SPDYA: variants seen among roughly 807,000 people sequenced by gnomAD.
SPDYA encodes the protein speedy protein A.
Under a neutral mutation model 36.7 loss-of-function variants are expected in SPDYA, and 11 were observed. The ratio of observed to expected loss-of-function variants is 0.30; its 90% CI spans 0.19 to 0.50. The LOEUF (loss-of-function observed/expected upper bound fraction) is 0.50, where lower values mean the gene tolerates loss of function less well. Among genes scored for constraint, SPDYA ranks in the 20% least tolerant of loss-of-function variants. SPDYA has a pLI of 0.98. For missense variants in SPDYA, 287 were observed against 370.9 expected, an observed-to-expected ratio of 0.77 and a Z score of 1.86; for synonymous variants, 115 against 118.7, an observed-to-expected ratio of 0.97 and a Z score of 0.20.
intron 5 of SPDYA, among the ~76,000 whole-genome samples, chr2:28,828,828 G>A (rs1558326322): frequency 6.6e-6 from 1 of 152,178 alleles, no homozygotes; most frequent in Non-Finnish European, 1.5e-5. Flanking sequence ...CCTCAGTAGT[G>A]AGGAATAACT....
chr2:28,833,945 G>A (rs750822333), intron 6 of SPDYA, among the ~76,000 whole-genome samples: 2 of 152,014 alleles, frequency 1.3e-5, no homozygotes, highest in Non-Finnish European at 2.9e-5. Context: ...TTTTTTGCAA[G>A]TCATCTATTT....
Position 28,840,390 on chromosome 2 carries a change from A to C in SPDYA, c.771A>C (p.Glu257Asp), listed in dbSNP as rs1486544710. 1.9e-6 allele frequency: 3 copies of C among 1,613,144 alleles called. No individual in the cohort carries two copies. Among genetic ancestry groups the C allele is most frequent in the Non-Finnish European group, 2.5e-6 (3 of 1,179,676 alleles). ...CCAGTCATACAGCAGGGGTGACAGA[A>C]AAACATTCTCAGGACTCATACAACT... The part of the protein sequence containing the change: ...SLSSHTAGVT[E>D]KHSQDSYNSL... Residue 257 changes from glutamate (E) to aspartate (D), a missense_variant, in exon 7 of 8, where the codon GAA (glutamate) becomes GAC (aspartate). Physicochemically the swap from Glu to Asp is conservative, Grantham distance 45. Transcript: ENST00000334056.
chr2:28,823,900 C>G (rs1194116242), intron 5 of SPDYA, among the ~76,000 whole-genome samples: 2 of 148,584 alleles, frequency 1.3e-5, no homozygotes, highest in Non-Finnish European at 3.0e-5. Flanking sequence ...CTCCCACCAC[C>G]ACGCCCAACT....
At chr2:28,819,846 A>AT (rs1668101217) in intron 4 of SPDYA, among the ~76,000 whole-genome samples, 1 of 27,060 alleles carries the variant, frequency 3.7e-5, no homozygotes, top group African/African-American at 1.8e-4. Flanking sequence ...AAAAAAAAAA[A>AT]AAAATATATA....
intron 7 of SPDYA, among the ~76,000 whole-genome samples, chr2:28,845,879 T>C (rs898761811): frequency 6.6e-6 from 1 of 152,168 alleles, no homozygotes; most frequent in African/African-American, 2.4e-5. Context: ...TCACCTTATA[T>C]ATGTATTACT....
chr2:28,823,717 ATATATATATATATATATATATATATAT>A (rs1490334036), intron 5 of SPDYA, among the ~76,000 whole-genome samples: 4 of 85,992 alleles, frequency 4.7e-5, no homozygotes, highest in Non-Finnish European at 7.3e-5. Flanking sequence ...ATATATATAT[ATATATATATATATATATATATATATAT>A]AAAATTTTTT....
intron 6 of SPDYA, among the ~76,000 whole-genome samples, chr2:28,837,309 G>A (rs1049937215): frequency 3.9e-5 from 6 of 152,050 alleles, no homozygotes; most frequent in Non-Finnish European, 7.4e-5. Flanking sequence ...CATGGGAGAG[G>A]GAACTGTAAG....
In SPDYA at chr2:28,840,190, A is replaced by T; in HGVS notation, c.571A>T (p.Thr191Ser). 3.7e-6 allele frequency: 6 copies of T among 1,614,156 alleles called. No homozygotes were observed. The highest frequency in any genetic ancestry group is 5.1e-6 in the Non-Finnish European group (6 of 1,180,020). ...CCEEVMAIAP[T>S]HYIWQRERSV... ...ATTATAGGTTATGGCCATTGCACCA[A>T]CCCATTATATCTGGCAAAGAGAACG... Residue 191 changes from threonine (T) to serine (S), a missense_variant, in exon 7 of 8, where the codon ACC becomes TCC. By Grantham distance (58) the Thr-to-Ser change is moderately conservative. Transcript: ENST00000334056.
chr2:28,818,458 A>G (rs999857850), intron 3 of SPDYA, among the ~76,000 whole-genome samples: 32 of 149,788 alleles, frequency 2.1e-4, no homozygotes, highest in African/African-American at 7.3e-4. Flanking sequence ...AAAAAAAAAA[A>G]AAAGAGAAAG....
chr2:28,822,642 T>C (rs1237110367), intron 5 of SPDYA, among the ~76,000 whole-genome samples: 1 of 152,192 alleles, frequency 6.6e-6, no homozygotes, highest in Non-Finnish European at 1.5e-5. Flanking sequence ...GGAATCTCGC[T>C]GTGTTGCCAG....
At chr2:28,813,733 G>A (rs184945173) in intron 1 of SPDYA, among the ~76,000 whole-genome samples, 1 of 152,126 alleles carries the variant, frequency 6.6e-6, no homozygotes, top group East Asian at 1.9e-4. Flanking sequence ...TGTATTTTTA[G>A]TAGAGACGGG....
At chr2:28,828,819 C>G (rs986905858) in intron 5 of SPDYA, among the ~76,000 whole-genome samples, 27 of 152,146 alleles carry the variant, frequency 1.8e-4, no homozygotes, top group Non-Finnish European at 1.0e-4. Context: ...AAGGTCTTGC[C>G]TCAGTAGTGA....
At chr2:28,849,592 T>C (rs1271125753) in intron 7 of SPDYA, among the ~76,000 whole-genome samples, 1 of 152,244 alleles carries the variant, frequency 6.6e-6, no homozygotes, top group Non-Finnish European at 1.5e-5. Flanking sequence ...AACATTTAAT[T>C]TGTGTAGTAA....
intron 3 of SPDYA, among the ~76,000 whole-genome samples, chr2:28,817,280 G>A (rs1668008203): frequency 6.6e-6 from 1 of 152,174 alleles, no homozygotes; most frequent in Non-Finnish European, 1.5e-5. Flanking sequence ...TATAAATAGA[G>A]CCTGGGCGCG....
rs372133156 is a variant in SPDYA at position 28,811,267 on chromosome 2, C to G, written c.-93+320C>G. The G allele has an allele frequency of 3.3e-5, 5 of 152,366 alleles. No individual in the cohort carries two copies. The East Asian group carries it at 7.7e-4, about 24-fold the overall frequency. The allele number at this position is 152,366 out of a possible 1,614,324, so 9.4% of individuals were successfully genotyped here. A position where few individuals can be genotyped will look rare whatever the true frequency, so the allele number is the denominator to read the frequency against. On this transcript the variant is annotated intron_variant, in intron 1 of 7. Coordinates refer to ENST00000334056, the MANE Select transcript of SPDYA (RefSeq NM_182756.4). This position sits in a 1 kb window ranked among gnomAD's most constrained non-coding sequence, Gnocchi z 4.2. Reference sequence around the variant, plus strand: ...GGGGAAGGACGGGCAGGGCCGATACCGGAGGCTGCTCCCGAAGCTCGGCCG... The same window carrying G: ...GGGGAAGGACGGGCAGGGCCGATACGGGAGGCTGCTCCCGAAGCTCGGCCG...
chr2:28,847,730 A>C (rs1668915372), intron 7 of SPDYA, among the ~76,000 whole-genome samples: 1 of 142,210 alleles, frequency 7.0e-6, no homozygotes, highest in Admixed American at 7.3e-5. Context: ...TGGGCAACAG[A>C]GCAAGACTCT....
At chr2:28,838,307 A>C (rs1328319406) in intron 6 of SPDYA, among the ~76,000 whole-genome samples, 2 of 150,788 alleles carry the variant, frequency 1.3e-5, no homozygotes, top group East Asian at 3.9e-4. Flanking sequence ...TTAGCCTCCC[A>C]AGTAGCTGGG....
At chr2:28,829,463 C>T (rs562010279) in intron 6 of SPDYA, 144 bp downstream of exon 6, 316 of 707,084 alleles carry the variant, frequency 4.5e-4, no homozygotes, top group Non-Finnish European at 5.7e-4. Context: ...TGATCATTAC[C>T]ATGAATACAA....
intron 6 of SPDYA, among the ~76,000 whole-genome samples, chr2:28,831,464 C>T (rs1239801272): frequency 6.6e-6 from 1 of 152,172 alleles, no homozygotes; most frequent in Non-Finnish European, 1.5e-5. Context: ...AATGCTTTTT[C>T]ATAATTTTAA....
Sources: gnomAD v4.1 joint callset for allele counts (sites outside exome capture counted in the v4.1 genomes callset) on GRCh38, gnomAD v4.1.1 for gene constraint, Gnocchi (gnomAD v3.1) non-coding constraint, MANE v1.5 for transcripts, NCBI Gene and HGNC (gene_info 2026-07-23, HGNC 2026-07-21) for gene names.